The following SEC24B variants were observed in gnomAD, a reference collection of about 807,000 sequenced individuals.
SEC24B encodes the protein SEC24 homolog B, COPII component.
In SEC24B, 45 loss-of-function variants were observed where a neutral mutation model predicts 142.8. The ratio of observed to expected loss-of-function variants is 0.32; its 90% CI spans 0.25 to 0.40. The LOEUF is 0.40. Among genes scored for constraint, SEC24B ranks in the 10% least tolerant of loss-of-function variants. SEC24B has a pLI of 1.00. For synonymous variants in SEC24B, 574 were observed against 568.2 expected, an observed-to-expected ratio of 1.01 and a Z score of -0.15; for missense variants, 1,409 against 1,526.8, an observed-to-expected ratio of 0.92 and a Z score of 1.29.
At chr4:109,533,552 C>A in intron 21 of SEC24B, 41 bp from the exon 22 acceptor site, 1 of 1,187,278 alleles carries the variant, frequency 8.4e-7, no homozygotes, top group South Asian at 1.2e-5. Flanking sequence ...AATGAATTAA[C>A]TATTAGGGAG....
chr4:109,466,024 A>G (rs890276597), intron 2 of SEC24B, among the ~76,000 whole-genome samples: 1 of 152,146 alleles, frequency 6.6e-6, no homozygotes, highest in African/African-American at 2.4e-5. Context: ...ATATTATCTC[A>G]GGTTAATATG....
Position 109,532,714 on chromosome 4 carries a change from G to C in SEC24B, c.3466G>C (p.Glu1156Gln). The C allele has an allele frequency of 3.7e-6, 6 of 1,606,418 alleles. No individual in the cohort carries two copies. Among genetic ancestry groups the C allele is most frequent in the Non-Finnish European group, 5.1e-6 (6 of 1,172,988 alleles). Reference protein sequence around the residue: ...QKLSAEKLTREGAFLMDCGSV... With the variant: ...QKLSAEKLTRQGAFLMDCGSV... ...ATTGTCTGCAGAGAAGCTGACAAGA[G>C]AAGGTGCTTTCCTTATGGACTGTGG... The change falls in exon 21 of 24, where the codon GAA (glutamate) becomes CAA (glutamine). Residue 1156 changes from glutamate to glutamine, a missense_variant. Glu to Gln is a conservative substitution (Grantham distance 29). Coordinates refer to ENST00000265175, the MANE Select transcript of SEC24B (RefSeq NM_006323.5).
At chr4:109,476,864 G>A (rs1032161602) in intron 3 of SEC24B, among the ~76,000 whole-genome samples, 3 of 152,044 alleles carry the variant, frequency 2.0e-5, no homozygotes, top group Non-Finnish European at 2.9e-5. Context: ...TTGGCCGGGC[G>A]CAGTGGCTCA....
chr4:109,469,516 C>T (rs916237728), intron 2 of SEC24B, among the ~76,000 whole-genome samples: 2 of 152,026 alleles, frequency 1.3e-5, no homozygotes, highest in African/African-American at 2.4e-5. Context: ...ATGAAGCAAC[C>T]GTATATGGTA....
rs1723576219 is a variant in SEC24B, at chr4:109,521,187, T to C, written c.2301+15T>C. ...AAAGTAAAGAGGTAAGATTGATTTA[T>C]TTTCTTAAAGCATAAAAATATTTAT... On this transcript the variant is annotated intron_variant, in intron 13 of 23. Transcript: ENST00000265175. 6.3e-6 allele frequency: 9 copies of C among 1,439,888 alleles called. No individual in the cohort carries two copies. The East Asian group carries it at 2.0e-4, about 33-fold the overall frequency. 89.2% of individuals were successfully genotyped at this position (1,439,888 alleles called of 1,614,324 possible).
chr4:109,489,432 A>G lies in SEC24B; in HGVS notation c.1166-1895A>G, dbSNP rs889483668. On this transcript the variant is annotated intron_variant, in intron 4 of 23. Coordinates refer to ENST00000265175, the MANE Select transcript of SEC24B (RefSeq NM_006323.5). ...CATAAAATTAACTGTTTTAAATTGT[A>G]TAATTCAGTGGCATTTAGTACATGT... is the stretch of plus-strand genomic sequence containing the variant. Among the ~76,000 whole-genome samples the G allele has an allele frequency of 5.4e-5, 8 of 148,730 alleles. No homozygotes were observed. In the East Asian group the frequency reaches 7.7e-4, roughly 14 times the overall value.
At chr4:109,533,708 T>A in intron 22 of SEC24B, 23 bp downstream of exon 22, 1 of 1,331,564 alleles carries the variant, frequency 7.5e-7, no homozygotes, top group Non-Finnish European at 1.1e-6. Flanking sequence ...TATACACCTT[T>A]AACTTTTTGT....
rs372280403 is a variant in SEC24B at position 109,540,881 on chromosome 4, T to TA, written c.*1221dup. On this transcript the variant is annotated 3_prime_UTR_variant, in exon 24 of 24. Coordinates refer to ENST00000265175, the MANE Select transcript of SEC24B (RefSeq NM_006323.5). Reference sequence around the variant, plus strand: ...TGGGCAACAGAGTGAGACTCCATCTTAAAAAAAAAAAAAAAGTAATATATA... The same window carrying TA: ...TGGGCAACAGAGTGAGACTCCATCTTAAAAAAAAAAAAAAAAGTAATATATA... The TA allele has an allele frequency of 7.9e-3, 1,097 of 139,674 alleles. 25 individuals are homozygous for TA. Among genetic ancestry groups the TA allele is most frequent in the East Asian group, 0.066 (320 of 4,876 alleles). 8.7% of individuals were successfully genotyped at this position (139,674 alleles called of 1,614,324 possible).
In SEC24B at chr4:109,469,535, C is replaced by T. The variant is rs80327636; in HGVS notation, c.878-3469C>T. On this transcript the variant is annotated intron_variant, in intron 2 of 23. Coordinates refer to ENST00000265175, the MANE Select transcript of SEC24B (RefSeq NM_006323.5). ...AGCAACCGTATATGGTACTTCGGAG[C>T]ATTACTTTAGGTGCATTTAGCCTAT... 3.0e-3 allele frequency among the ~76,000 whole-genome samples: 459 copies of T among 152,258 alleles called. 3 individuals carry two copies. The highest frequency in any genetic ancestry group is 1.0e-2 in the African/African-American group (414 of 41,552).
intron 2 of SEC24B, among the ~76,000 whole-genome samples, chr4:109,465,831 T>TC (rs1731799292): frequency 6.6e-6 from 1 of 152,182 alleles, no homozygotes; most frequent in Non-Finnish European, 1.5e-5. Context: ...GAGTAACTGC[T>TC]CTAATGGGTC....
Position 109,513,671 on chromosome 4 carries a change from A to G in SEC24B, c.1904-76A>G, listed in dbSNP as rs1301072705. ...CCTCGTGTAAATATTGATAATAGAT[A>G]TTTATTTTTAGGTGTGTATATATGT... is the stretch of plus-strand genomic sequence containing the variant. On this transcript the variant is annotated intron_variant, in intron 9 of 23. Coordinates refer to ENST00000265175, the MANE Select transcript of SEC24B (RefSeq NM_006323.5). 3 of 790,376 alleles carry G rather than the reference A, an allele frequency of 3.8e-6. No individual in the cohort carries two copies. The African/African-American group carries it at 5.2e-5, about 14-fold the overall frequency. 49.0% of individuals were successfully genotyped at this position (790,376 alleles called of 1,614,324 possible). A position where few individuals can be genotyped will look rare whatever the true frequency, so the allele number is the denominator to read the frequency against.
At chr4:109,517,849 A>G (rs1331817894) in intron 11 of SEC24B, among the ~76,000 whole-genome samples, 1 of 152,194 alleles carries the variant, frequency 6.6e-6, no homozygotes, top group Non-Finnish European at 1.5e-5. Context: ...TTTTAATTGC[A>G]CTGATGACAG....
At chr4:109,504,361 A>G (rs867923126) in intron 6 of SEC24B, among the ~76,000 whole-genome samples, 1 of 152,028 alleles carries the variant, frequency 6.6e-6, no homozygotes, top group African/African-American at 2.4e-5. Context: ...TACTAATTCT[A>G]TTTGCTTATG....
chr4:109,527,654 C>T (rs1327277924), intron 18 of SEC24B, among the ~76,000 whole-genome samples: 1 of 151,928 alleles, frequency 6.6e-6, no homozygotes, highest in African/African-American at 2.4e-5. Context: ...CGCCTGTAAT[C>T]GCAGCTTCTC....
chr4:109,447,495 G>C (rs1355140717), intron 1 of SEC24B, among the ~76,000 whole-genome samples: 1 of 152,168 alleles, frequency 6.6e-6, no homozygotes, highest in Non-Finnish European at 1.5e-5. Context: ...ATGTTGTACT[G>C]TGGCTTCTTT....
intron 1 of SEC24B, among the ~76,000 whole-genome samples, chr4:109,456,546 C>G (rs1331892208): frequency 6.6e-6 from 1 of 151,882 alleles, no homozygotes; most frequent in African/African-American, 2.4e-5. Context: ...AGTAGATAGT[C>G]CTTATCAGGT....
intron 18 of SEC24B, 91 bp from the exon 19 acceptor site, chr4:109,530,198 T>A: frequency 1.8e-6 from 2 of 1,132,862 alleles, no homozygotes; most frequent in South Asian, 4.5e-5. Context: ...AGCTGAATTT[T>A]GTTTCTTAAA....
intron 4 of SEC24B, among the ~76,000 whole-genome samples, chr4:109,490,677 CTTAACAGG>C (rs1427307088): frequency 2.0e-5 from 3 of 152,094 alleles, no homozygotes; most frequent in Admixed American, 2.0e-4. Context: ...GAACTCTCAT[CTTAACAGG>C]TTTTGAATGA....
chr4:109,528,900 A>G (rs1463228497), intron 18 of SEC24B, among the ~76,000 whole-genome samples: 1 of 152,188 alleles, frequency 6.6e-6, no homozygotes, highest in Non-Finnish European at 1.5e-5. Flanking sequence ...GTGGTGGCCC[A>G]TGCCTGTAAT....
Sources: gnomAD v4.1 joint callset for allele counts (sites outside exome capture counted in the v4.1 genomes callset) on GRCh38, gnomAD v4.1.1 for gene constraint, MANE v1.5 for transcripts, NCBI Gene and HGNC (gene_info 2026-07-23, HGNC 2026-07-21) for gene names.